Variants in NVL observed in about 807,000 individuals in gnomAD.
The protein encoded by NVL is nuclear valosin-containing protein-like.
NVL carries 84 observed loss-of-function variants against 110.2 expected under a neutral mutation model. The observed-to-expected ratio is 0.76, with a 90% CI of 0.64 to 0.91. The LOEUF is 0.91. NVL is among the 40% of genes least tolerant of loss of function. The pLI, the probability that NVL is intolerant of heterozygous loss-of-function variation, is 0.00. For synonymous variants in NVL, 354 were observed against 361.1 expected, an observed-to-expected ratio of 0.98 and a Z score of 0.22; for missense variants, 882 against 1,035.9, an observed-to-expected ratio of 0.85 and a Z score of 2.04.
chr1:224,253,486 G>A (rs1052701539), intron 18 of NVL, among the ~76,000 whole-genome samples: 19 of 151,880 alleles, frequency 1.3e-4, no homozygotes, highest in Admixed American at 1.2e-3. Flanking sequence ...TGTAATCCCA[G>A]CACTTTGGGA....
At chr1:224,299,382 C>T (rs987074379) in intron 10 of NVL, among the ~76,000 whole-genome samples, 10 of 152,156 alleles carry the variant, frequency 6.6e-5, no homozygotes, top group African/African-American at 2.4e-4. Flanking sequence ...AACCAAGTAT[C>T]ACTTGATTGG....
intron 18 of NVL, among the ~76,000 whole-genome samples, chr1:224,266,199 G>C (rs913402639): frequency 1.3e-5 from 2 of 152,030 alleles, no homozygotes; most frequent in African/African-American, 2.4e-5. Context: ...TTTTTTGAGA[G>C]AAACAGGGCC....
intron 19 of NVL, among the ~76,000 whole-genome samples, chr1:224,249,568 C>A (rs1189612394): frequency 6.6e-6 from 1 of 152,132 alleles, no homozygotes; most frequent in Non-Finnish European, 1.5e-5. Flanking sequence ...CACGGTAAAA[C>A]CCCGTCTCTA....
At chr1:224,292,374 AC>A (rs1558315114) in intron 12 of NVL, among the ~76,000 whole-genome samples, 1 of 152,234 alleles carries the variant, frequency 6.6e-6, no homozygotes. Flanking sequence ...TGATCACTTT[AC>A]AGATAAAGTT....
intron 18 of NVL, among the ~76,000 whole-genome samples, chr1:224,261,795 GTT>G (rs111734612): frequency 7.0e-6 from 1 of 143,210 alleles, no homozygotes; most frequent in Non-Finnish European, 1.5e-5. Context: ...CTACAAAAAA[GTT>G]TTTTTTTTTT....
rs376133339 is a variant in NVL at position 224,327,430 on chromosome 1, T to A, written c.58-966A>T. Among the ~76,000 whole-genome samples the A allele has an allele frequency of 1.1e-4, 17 of 152,232 alleles. No individual in the cohort carries two copies. The East Asian group carries it at 1.2e-3, about 10-fold the overall frequency. ...TGCACTCCAGCCTGGGTGACAGAGC[T>A]AGACCCAGTCTCAAAAATAAAAAAT... On this transcript the variant is annotated intron_variant, in intron 1 of 22. Transcript: ENST00000281701.
chr1:224,281,169 G>C lies in NVL; in HGVS notation c.1916C>G (p.Ser639Cys). The C allele has an allele frequency of 6.2e-7, 1 of 1,613,662 alleles. No homozygotes were observed. Among genetic ancestry groups the C allele is most frequent in the South Asian group, 1.1e-5 (1 of 91,048 alleles). The change falls in exon 16 of 23, where the codon TCC (serine) becomes TGC (cysteine). Residue 639 changes from serine (S) to cysteine (C), a missense_variant. Coordinates refer to ENST00000281701, the MANE Select transcript of NVL (RefSeq NM_002533.4). ...CTTGACAGATATAAAATTTAGTCCG[G>C]ACTCATTTGCAACAGCCTAGCAAGA... ...TLLAKAVANESGLNFISVKGP... is the reference protein window; with the variant it reads ...TLLAKAVANECGLNFISVKGP...
Position 224,288,011 on chromosome 1 carries a change from A to C in NVL, c.1576-18T>G, listed in dbSNP as rs1478225178. 2 of 1,581,904 alleles carry C rather than the reference A, an allele frequency of 1.3e-6. No homozygotes were observed. Among genetic ancestry groups the C allele is most frequent in the East Asian group, 2.2e-5 (1 of 44,560 alleles). On this transcript the variant is annotated intron_variant, in intron 13 of 22. Coordinates refer to ENST00000281701, the MANE Select transcript of NVL (RefSeq NM_002533.4). The stretch of plus-strand genomic sequence containing the variant: ...AATTCATCCTTGAAGGGAACAATAG[A>C]GGGGAAAAAAATAAAGAAACACCAC...
intron 19 of NVL, among the ~76,000 whole-genome samples, chr1:224,247,542 G>A (rs1486590093): frequency 1.3e-5 from 2 of 151,968 alleles, no homozygotes; most frequent in Non-Finnish European, 2.9e-5. Flanking sequence ...GGTGGTGCAC[G>A]CCTGTAATCC....
At chr1:224,242,032 C>CAA (rs922580258) in intron 19 of NVL, among the ~76,000 whole-genome samples, 1 of 136,666 alleles carries the variant, frequency 7.3e-6, no homozygotes, top group Non-Finnish European at 1.6e-5. Context: ...AACTCCGTCT[C>CAA]AAAAAAAAAA....
At chr1:224,291,785 T>C (rs983392713) in intron 12 of NVL, among the ~76,000 whole-genome samples, 2 of 152,236 alleles carry the variant, frequency 1.3e-5, no homozygotes, top group African/African-American at 4.8e-5. Flanking sequence ...AGTTGGGGAC[T>C]ATCCGTACTA....
intron 18 of NVL, among the ~76,000 whole-genome samples, chr1:224,255,181 GGTTT>G (rs1321108663): frequency 1.1e-5 from 1 of 87,324 alleles, no homozygotes; most frequent in African/African-American, 3.8e-5. Context: ...AAATGGTGTA[GGTTT>G]TTTTTTTTTT....
At chr1:224,266,456 C>G (rs1466790474) in intron 18 of NVL, among the ~76,000 whole-genome samples, 1 of 152,194 alleles carries the variant, frequency 6.6e-6, no homozygotes, top group Non-Finnish European at 1.5e-5. Flanking sequence ...CTCTCTCATG[C>G]ATGCTCTTGT....
At chr1:224,233,104 A>G (rs1472121958) in intron 21 of NVL, 97 bp downstream of exon 21, 2 of 979,482 alleles carry the variant, frequency 2.0e-6, no homozygotes, top group Admixed American at 4.8e-5. Context: ...TAGCTTTAAT[A>G]TCATAGATAA....
intron 16 of NVL, among the ~76,000 whole-genome samples, chr1:224,278,305 CA>C (rs1458439986): frequency 6.8e-6 from 1 of 146,006 alleles, no homozygotes; most frequent in African/African-American, 2.6e-5. Flanking sequence ...GATCTCTGCT[CA>C]CCGTTAACCT....
At position 224,268,029 on chromosome 1, in the gene NVL, C is replaced by A; in HGVS notation, c.2182+5G>T. ...CATCTGTGTTACAATATTTTTATTT[C>A]TTACCTGGCCTGTTAGTGGCTGCCA... On this transcript the variant is annotated splice_donor_5th_base_variant and intron_variant, in intron 18 of 22. Coordinates refer to ENST00000281701, the MANE Select transcript of NVL (RefSeq NM_002533.4). 1 of 1,601,660 alleles carries A rather than the reference C, an allele frequency of 6.2e-7. No individual in the cohort carries two copies. The highest frequency in any genetic ancestry group is 8.5e-7 in the Non-Finnish European group (1 of 1,169,760).
intron 17 of NVL, among the ~76,000 whole-genome samples, chr1:224,271,366 GTAC>G (rs1366844944): frequency 5.3e-5 from 8 of 151,920 alleles, no homozygotes; most frequent in African/African-American, 1.9e-4. Flanking sequence ...GTGCACACCC[GTAC>G]TACTAGCTAC....
At chr1:224,242,602 G>A (rs1452004734) in intron 19 of NVL, among the ~76,000 whole-genome samples, 1 of 150,382 alleles carries the variant, frequency 6.6e-6, no homozygotes, top group African/African-American at 2.5e-5. Context: ...CGAGTAGCTG[G>A]GACTACAGGT....
Position 224,305,047 on chromosome 1 carries a change from G to C in NVL, c.735C>G (p.Val245=), listed in dbSNP as rs761763021. The C allele has an allele frequency of 6.2e-7, 1 of 1,613,258 alleles. No individual in the cohort carries two copies. Among genetic ancestry groups the C allele is most frequent in the South Asian group, 1.1e-5 (1 of 90,888 alleles). Residue 245 remains valine (V), a synonymous_variant, in exon 7 of 23, where the codon GTC becomes GTG. Coordinates refer to ENST00000281701, the MANE Select transcript of NVL (RefSeq NM_002533.4). Reference sequence around the variant, plus strand: ...CTCACACCTTACCTTTCTTTTGCAGGACAGCTTCAATTTCTCCATCTACTT... The same window carrying C: ...CTCACACCTTACCTTTCTTTTGCAGCACAGCTTCAATTTCTCCATCTACTT... ...LQEVDGEIEA[V]LQKKAKARGL...
Sources: allele counts gnomAD v4.1 joint callset (sites outside exome capture counted in the v4.1 genomes callset), GRCh38; gene constraint gnomAD v4.1.1; transcripts MANE v1.5; gene names NCBI Gene and HGNC (gene_info 2026-07-23, HGNC 2026-07-21).